Variants in ZC3H14 observed in about 807,000 individuals in gnomAD.
ZC3H14 encodes the protein zinc finger CCCH-type containing 14.
Under a neutral mutation model 92.4 loss-of-function variants are expected in ZC3H14, and 31 were observed. That is an observed-to-expected ratio of 0.34 (90% CI 0.25 to 0.45). The LOEUF (loss-of-function observed/expected upper bound fraction) is 0.45, where lower values mean the gene tolerates loss of function less well. ZC3H14 is among the 20% of genes least tolerant of loss of function. The probability of loss-of-function intolerance (pLI) is 1.00; values close to 1 mark genes in which losing one functional copy is unlikely to be tolerated. For missense variants in ZC3H14, 781 were observed against 897.3 expected, an observed-to-expected ratio of 0.87 and a Z score of 1.66; for synonymous variants, 321 against 300.9, an observed-to-expected ratio of 1.07 and a Z score of -0.69.
intron 15 of ZC3H14, 65 bp from the exon 16 acceptor site, chr14:88,610,769 T>C: frequency 6.6e-7 from 1 of 1,507,006 alleles, no homozygotes; most frequent in Non-Finnish European, 9.2e-7. Flanking sequence ...TCTCAAATAA[T>C]AAAATAATGT....
At position 88,626,749 on chromosome 14, in the gene ZC3H14, C is replaced by A; in HGVS notation, c.*14998C>A. 1 of 1,289,314 alleles carries A rather than the reference C, an allele frequency of 7.8e-7. No individual in the cohort carries two copies. 79.9% of individuals were successfully genotyped at this position (1,289,314 alleles called of 1,614,324 possible). On this transcript the variant is annotated 3_prime_UTR_variant, in exon 17 of 17. Coordinates refer to ENST00000251038, the MANE Select transcript of ZC3H14 (RefSeq NM_024824.5). ...TGTAATGATTAGCAGATCACAGTAT[C>A]ATCTCAACAACATTCATGTGGCTGA...
intron 12 of ZC3H14, among the ~76,000 whole-genome samples, chr14:88,605,078 A>G (rs887733853): frequency 1.2e-4 from 19 of 152,178 alleles, no homozygotes; most frequent in Admixed American, 1.2e-3. Context: ...TTTGTAAAGT[A>G]TTATATTGTT....
Position 88,568,167 on chromosome 14 carries a change from T to G in ZC3H14, c.194+14T>G, listed in dbSNP as rs2079938623. Reference sequence around the variant, plus strand: ...ATTCACCGTATGGTATGTTTCTGAATTTTTGTGCCTCAGACCAAAGTTTGG... The same window carrying G: ...ATTCACCGTATGGTATGTTTCTGAAGTTTTGTGCCTCAGACCAAAGTTTGG... On this transcript the variant is annotated intron_variant, in intron 3 of 16. Coordinates refer to ENST00000251038, the MANE Select transcript of ZC3H14 (RefSeq NM_024824.5). 6.2e-7 allele frequency: 1 copy of G among 1,610,846 alleles called. No homozygotes were observed. Among genetic ancestry groups the G allele is most frequent in the Non-Finnish European group, 8.5e-7 (1 of 1,177,440 alleles).
At chr14:88,609,470 G>A in intron 14 of ZC3H14, 67 bp downstream of exon 14, 2 of 1,607,850 alleles carry the variant, frequency 1.2e-6, no homozygotes, top group Non-Finnish European at 1.7e-6. Context: ...GACTGTAAAT[G>A]GAATTGAACA....
chr14:88,566,749 G>A (rs982630489), intron 2 of ZC3H14, among the ~76,000 whole-genome samples: 1 of 151,988 alleles, frequency 6.6e-6, no homozygotes, highest in African/African-American at 2.4e-5. Context: ...CTGAAACCTG[G>A]TGTCTACTAA....
Position 88,620,951 on chromosome 14 carries a change from A to T in ZC3H14, c.*9200A>T. On this transcript the variant is annotated 3_prime_UTR_variant, in exon 17 of 17. Transcript: ENST00000251038. This position sits in a 1 kb window ranked among gnomAD's most constrained non-coding sequence, Gnocchi z 4.3. ...TCTGCATTTAAAAAAAAAAAAAAAAAGAGTCATAGGAAACATTAAGTGAAG... is the reference window on the plus strand; with the variant it reads ...TCTGCATTTAAAAAAAAAAAAAAAATGAGTCATAGGAAACATTAAGTGAAG... 6.8e-7 allele frequency: 1 copy of T among 1,464,040 alleles called. No homozygotes were observed. Among genetic ancestry groups the T allele is most frequent in the Non-Finnish European group, 9.0e-7 (1 of 1,106,552 alleles). The allele number at this position is 1,464,040 out of a possible 1,614,324, so 90.7% of individuals were successfully genotyped here.
At chr14:88,565,199 T>A (rs1273139493) in intron 2 of ZC3H14, among the ~76,000 whole-genome samples, 24 of 152,206 alleles carry the variant, frequency 1.6e-4, no homozygotes, top group Non-Finnish European at 4.4e-5. Context: ...TGGAGTGCAG[T>A]GGCGTGATCT....
In ZC3H14 at chr14:88,620,654, G is replaced by A; in HGVS notation, c.*8903G>A. On this transcript the variant is annotated 3_prime_UTR_variant, in exon 17 of 17. Coordinates refer to ENST00000251038, the MANE Select transcript of ZC3H14 (RefSeq NM_024824.5). The surrounding 1 kb of genome is among the most constrained non-coding windows in gnomAD (Gnocchi z 4.3). The stretch of plus-strand genomic sequence containing the variant: ...ATTTATAATACGGGAAATGCTACAG[G>A]CCCTGGGGACCTCTTTTTGAAGGCA... 1.1e-6 allele frequency: 1 copy of A among 929,236 alleles called. No homozygotes were observed. Among genetic ancestry groups the A allele is most frequent in the Non-Finnish European group, 1.5e-6 (1 of 662,676 alleles). The allele number at this position is 929,236 out of a possible 1,614,324, so 57.6% of individuals were successfully genotyped here. A position where few individuals can be genotyped will look rare whatever the true frequency, so the allele number is the denominator to read the frequency against.
rs550230564 is a variant in ZC3H14 at position 88,616,298 on chromosome 14, CTCT to C, written c.*4549_*4551del. On this transcript the variant is annotated 3_prime_UTR_variant, in exon 17 of 17. Transcript: ENST00000251038. ...ATTTGGTGCACACAGAAGTCAAAGG[CTCT>C]TATTAGGAACTATAATCTCTATGAC... The C allele has an allele frequency of 2.0e-6, 3 of 1,508,522 alleles. No homozygotes were observed. In the South Asian group the frequency reaches 3.4e-5, roughly 17 times the overall value. 93.4% of individuals were successfully genotyped at this position (1,508,522 alleles called of 1,614,324 possible). A position where few individuals can be genotyped will look rare whatever the true frequency, so the allele number is the denominator to read the frequency against.
chr14:88,576,282 T>C (rs956288853), intron 8 of ZC3H14, among the ~76,000 whole-genome samples: 1 of 152,178 alleles, frequency 6.6e-6, no homozygotes, highest in African/African-American at 2.4e-5. Context: ...GAATTTACGA[T>C]GTGTAAAGGG....
intron 3 of ZC3H14, among the ~76,000 whole-genome samples, chr14:88,569,470 G>A (rs975699166): frequency 6.6e-6 from 1 of 152,118 alleles, no homozygotes; most frequent in South Asian, 2.1e-4. Flanking sequence ...CTTTAGTTGA[G>A]AATACTGACT....
In ZC3H14 at chr14:88,618,123, A is replaced by AC. The variant is rs950184203; in HGVS notation, c.*6373dup. The AC allele has an allele frequency of 2.0e-5, 17 of 847,790 alleles. No homozygotes were observed. Among genetic ancestry groups the AC allele is most frequent in the Non-Finnish European group, 7.2e-6 (4 of 558,034 alleles). 52.5% of individuals were successfully genotyped at this position (847,790 alleles called of 1,614,324 possible). A position where few individuals can be genotyped will look rare whatever the true frequency, so the allele number is the denominator to read the frequency against. ...CAAAATATGGTAACAAAAACTTGAA[A>AC]CTCAATTACTATTCCTTATTGGAAT... On this transcript the variant is annotated 3_prime_UTR_variant, in exon 17 of 17. Transcript: ENST00000251038.
At position 88,618,518 on chromosome 14, in the gene ZC3H14, T is replaced by A; in HGVS notation, c.*6767T>A. On this transcript the variant is annotated 3_prime_UTR_variant, in exon 17 of 17. Transcript: ENST00000251038. ...TAAGTGGGGGAGGAAAGGGGAGCTG[T>A]AGGTCAGAAGGTACAAAGGGAGGAG... The A allele has an allele frequency of 8.5e-7, 1 of 1,179,508 alleles. No homozygotes were observed. The highest frequency in any genetic ancestry group is 1.6e-5 in the South Asian group (1 of 62,248). The allele number at this position is 1,179,508 out of a possible 1,614,324, so 73.1% of individuals were successfully genotyped here. A position where few individuals can be genotyped will look rare whatever the true frequency, so the allele number is the denominator to read the frequency against.
At position 88,603,003 on chromosome 14, in the gene ZC3H14, C is replaced by T. The variant is rs1321647186; in HGVS notation, c.1690C>T (p.Gln564Ter). Residue 564 changes from glutamine to a stop codon, truncating the protein, a stop_gained, in exon 12 of 17, where the codon CAG (glutamine) becomes TAG (stop). Transcript: ENST00000251038. LOFTEE classifies it high-confidence loss of function. ...GGGACTCAGAGGTCTCCTCCACCCA[C>T]AGCAGTTGCACTTGCTGAGCAGGCA... ...NKGLRGLLHP[Q>*]QLHLLSRQLE... The T allele has an allele frequency of 6.2e-7, 1 of 1,614,212 alleles. No individual in the cohort carries two copies. The highest frequency in any genetic ancestry group is 1.7e-5 in the Admixed American group (1 of 60,024).
chr14:88,590,084 C>T (rs2082928634), intron 9 of ZC3H14: 1 of 151,910 alleles, frequency 6.6e-6, no homozygotes, highest in Admixed American at 6.6e-5. Flanking sequence ...GAGCCGAGAT[C>T]ATGCCACTGC....
intron 8 of ZC3H14, 49 bp from the exon 9 acceptor site, chr14:88,577,936 G>A: frequency 6.2e-7 from 1 of 1,608,966 alleles, no homozygotes; most frequent in Middle Eastern, 1.7e-4. Context: ...GTGGAGTTTT[G>A]ACGTATTACT....
At position 88,626,122 on chromosome 14, in the gene ZC3H14, G is replaced by A. The variant is rs1263044145; in HGVS notation, c.*14371G>A. On this transcript the variant is annotated 3_prime_UTR_variant, in exon 17 of 17. Coordinates refer to ENST00000251038, the MANE Select transcript of ZC3H14 (RefSeq NM_024824.5). ...CTTCCAGCTGTATGATAAGCAGTGTGTTAAATGATAAAAAGCAAAGGAAAT... is the reference window on the plus strand; with the variant it reads ...CTTCCAGCTGTATGATAAGCAGTGTATTAAATGATAAAAAGCAAAGGAAAT... The A allele has an allele frequency of 1.3e-5, 2 of 152,200 alleles. No homozygotes were observed. The highest frequency in any genetic ancestry group is 4.8e-5 in the African/African-American group (2 of 41,442). 9.4% of individuals were successfully genotyped at this position (152,200 alleles called of 1,614,324 possible). A position where few individuals can be genotyped will look rare whatever the true frequency, so the allele number is the denominator to read the frequency against.
At position 88,618,691 on chromosome 14, in the gene ZC3H14, CAA is replaced by C; in HGVS notation, c.*6942_*6943del. 6.2e-7 allele frequency: 1 copy of C among 1,612,554 alleles called. No individual in the cohort carries two copies. Among genetic ancestry groups the C allele is most frequent in the Non-Finnish European group, 8.5e-7 (1 of 1,179,302 alleles). Reference sequence around the variant, plus strand: ...TCTGCAGAGAAGTCCATTTGAATGACAAAGCTTGGAATGTCTTTGCAGTAGCT... The same window carrying C: ...TCTGCAGAGAAGTCCATTTGAATGACAGCTTGGAATGTCTTTGCAGTAGCT... On this transcript the variant is annotated 3_prime_UTR_variant, in exon 17 of 17. Transcript: ENST00000251038.
chr14:88,579,504 G>T (rs1229174135), intron 9 of ZC3H14, among the ~76,000 whole-genome samples: 1 of 152,150 alleles, frequency 6.6e-6, no homozygotes, highest in East Asian at 1.9e-4. Flanking sequence ...GTTGCACCAA[G>T]GTTTTCTTCA....
Sources: allele counts gnomAD v4.1 joint callset (sites outside exome capture counted in the v4.1 genomes callset), GRCh38; gene constraint gnomAD v4.1.1; non-coding constraint Gnocchi (gnomAD v3.1); transcripts MANE v1.5; gene names NCBI Gene and HGNC (gene_info 2026-07-23, HGNC 2026-07-21).